Variants in COPA observed in about 807,000 individuals in gnomAD.
The protein encoded by COPA is coatomer subunit alpha.
Under a neutral mutation model 158.7 loss-of-function variants are expected in COPA, and 10 were observed. The ratio of observed to expected loss-of-function variants is 0.06; its 90% CI spans 0.04 to 0.11. The LOEUF is 0.11. COPA is among the 10% of genes least tolerant of loss of function. The pLI, the probability that COPA is intolerant of heterozygous loss-of-function variation, is 1.00. For synonymous variants in COPA, 462 were observed against 542.8 expected (o/e 0.85, Z 2.07); for missense variants, 1,065 against 1,536.7 (o/e 0.69, Z 5.13).
At chr1:160,314,869 C>G (rs1659083921) in intron 8 of COPA, among the ~76,000 whole-genome samples, 1 of 152,116 alleles carries the variant, frequency 6.6e-6, no homozygotes, top group African/African-American at 2.4e-5. Context: ...AAAGGAGGTA[C>G]TCAATAAATA....
intron 23 of COPA, among the ~76,000 whole-genome samples, chr1:160,295,145 A>G (rs997360768): frequency 1.2e-4 from 18 of 152,124 alleles, no homozygotes; most frequent in Admixed American, 6.5e-4. Flanking sequence ...CAACTCTTGA[A>G]TTTCTTCCTG....
At chr1:160,327,041 A>T (rs1456201558) in intron 6 of COPA, among the ~76,000 whole-genome samples, 1 of 152,214 alleles carries the variant, frequency 6.6e-6, no homozygotes, top group African/African-American at 2.4e-5. Flanking sequence ...ATGTTATGTA[A>T]CTGGACTCTG....
At chr1:160,322,362 T>C (rs1325196832) in intron 8 of COPA, among the ~76,000 whole-genome samples, 1 of 151,960 alleles carries the variant, frequency 6.6e-6, no homozygotes, top group African/African-American at 2.4e-5. Flanking sequence ...CAATAAAGTG[T>C]TGGGAAAACT....
chr1:160,338,156 T>C lies in COPA; in HGVS notation c.228+1753A>G, dbSNP rs150013264. Among the ~76,000 whole-genome samples the C allele has an allele frequency of 6.9e-3, 1,044 of 152,334 alleles. 8 individuals are homozygous for C. The highest frequency in any genetic ancestry group is 0.012 in the Non-Finnish European group (785 of 68,024). On this transcript the variant is annotated intron_variant, in intron 3 of 32. Transcript: ENST00000241704. ...ACCCAGTTTTTCCTTTTTAAACAGA[T>C]TATAAGAATCCCAAGTTAACCATTC... is the stretch of plus-strand genomic sequence containing the variant.
At chr1:160,302,915 G>A (rs997569148) in intron 17 of COPA, among the ~76,000 whole-genome samples, 2 of 152,108 alleles carry the variant, frequency 1.3e-5, no homozygotes, top group Admixed American at 1.3e-4. Flanking sequence ...GCTAATGCCT[G>A]CAATCCCAGC....
intron 4 of COPA, among the ~76,000 whole-genome samples, chr1:160,334,430 T>A (rs1359779100): frequency 6.6e-6 from 1 of 152,212 alleles, no homozygotes; most frequent in Non-Finnish European, 1.5e-5. Flanking sequence ...CAGGAAGTCC[T>A]TTATGGCAAT....
At chr1:160,295,278 C>T (rs1658362836) in intron 23 of COPA, among the ~76,000 whole-genome samples, 1 of 152,140 alleles carries the variant, frequency 6.6e-6, no homozygotes, top group African/African-American at 2.4e-5. Context: ...TAGGCTCTTA[C>T]TCACGGGAAA....
rs112756581 is a variant in COPA at position 160,320,036 on chromosome 1, C to G, written c.706+3395G>C. ...GTAGAAGAAAACAAACAATAAAGAT[C>G]AGAGCAGAAATAAAATTGAGACTAA... On this transcript the variant is annotated intron_variant, in intron 8 of 32. Coordinates refer to ENST00000241704, the MANE Select transcript of COPA (RefSeq NM_004371.4). Among the ~76,000 whole-genome samples the G allele has an allele frequency of 1.9e-4, 28 of 149,754 alleles. 2 individuals carry two copies. Among genetic ancestry groups the G allele is most frequent in the African/African-American group, 6.9e-4 (28 of 40,736 alleles).
chr1:160,343,006 C>G (rs1425301370), intron 1 of COPA, 125 bp downstream of exon 1: 2 of 1,161,306 alleles, frequency 1.7e-6, no homozygotes, highest in Non-Finnish European at 2.6e-6. Context: ...CTCCCACCCT[C>G]CGTCTTCCTC....
chr1:160,314,912 T>C (rs779599180), intron 8 of COPA, among the ~76,000 whole-genome samples: 8 of 152,110 alleles, frequency 5.3e-5, no homozygotes, highest in Non-Finnish European at 7.4e-5. Context: ...TCTATGTTCA[T>C]ACTCCTCAAA....
At chr1:160,316,757 A>T (rs1469454500) in intron 8 of COPA, among the ~76,000 whole-genome samples, 1 of 152,116 alleles carries the variant, frequency 6.6e-6, no homozygotes, top group East Asian at 1.9e-4. Flanking sequence ...TCTCAAAAAA[A>T]AAAAAAAAGA....
chr1:160,294,673 C>T (rs768560151), intron 24 of COPA, 80 bp from the exon 25 acceptor site: 400 of 1,593,050 alleles, frequency 2.5e-4, no homozygotes, highest in African/African-American at 1.6e-3. Context: ...AATCCTAGTT[C>T]GTTTCATGGC....
At chr1:160,298,630 T>G (rs541071927) in intron 19 of COPA, among the ~76,000 whole-genome samples, 1 of 152,184 alleles carries the variant, frequency 6.6e-6, no homozygotes, top group African/African-American at 2.4e-5. Flanking sequence ...CTAATTGAGG[T>G]TGACAAAAAT....
In COPA at chr1:160,288,742, T is replaced by A. The variant is rs556487674; in HGVS notation, c.*1415A>T. Among the ~76,000 whole-genome samples, 2 of 152,328 alleles carry A rather than the reference T, an allele frequency of 1.3e-5. No homozygotes were observed. The highest frequency in any genetic ancestry group is 3.9e-4 in the East Asian group (2 of 5,192). The stretch of plus-strand genomic sequence containing the variant: ...GCAAAATATTGTATTGTTAATGTAA[T>A]CATTGTATCATTGTAATATATATAA... On this transcript the variant is annotated 3_prime_UTR_variant, in exon 33 of 33. Transcript: ENST00000241704.
chr1:160,290,319 G>C (rs1424343750), intron 32 of COPA, 103 bp from the exon 33 acceptor site: 4 of 1,426,564 alleles, frequency 2.8e-6, no homozygotes, highest in African/African-American at 2.8e-5. Context: ...GACAGGTATT[G>C]GGGTGTTCAT....
In COPA at chr1:160,335,303, C is replaced by T. The variant is rs1414048052; in HGVS notation, c.248G>A (p.Arg83Gln). 3 of 1,610,816 alleles carry T rather than the reference C, an allele frequency of 1.9e-6. No individual in the cohort carries two copies. Among genetic ancestry groups the T allele is most frequent in the East Asian group, 2.2e-5 (1 of 44,736 alleles). ...CCCAAGCAATGTGAAAAGACAGCGC[C>T]GAAGCTTGTAATTCCAAACCTGCAA... ...YKIKVWNYKL[R>Q]RCLFTLLGHL... Residue 83 changes from arginine to glutamine, a missense_variant, in exon 4 of 33, where the codon CGG (arginine) becomes CAG (glutamine). By Grantham distance (43) the Arg-to-Gln change is conservative. Coordinates refer to ENST00000241704, the MANE Select transcript of COPA (RefSeq NM_004371.4).
At chr1:160,297,976 G>C (rs926217717) in intron 19 of COPA, among the ~76,000 whole-genome samples, 1 of 151,976 alleles carries the variant, frequency 6.6e-6, no homozygotes, top group Non-Finnish European at 1.5e-5. Context: ...TCAAGAGCTC[G>C]AGACCATCCT....
intron 26 of COPA, 31 bp from the exon 27 acceptor site, chr1:160,293,265 T>C (rs1195668757): frequency 6.2e-7 from 1 of 1,613,672 alleles, no homozygotes; most frequent in African/African-American, 1.3e-5. Context: ...CCAAGCCAAG[T>C]GAAACTTTGT....
intron 24 of COPA, 39 bp downstream of exon 24, chr1:160,294,729 G>A (rs762282001): frequency 5.0e-6 from 8 of 1,606,856 alleles, no homozygotes; most frequent in Non-Finnish European, 6.8e-6. Context: ...AATCCAAGGT[G>A]TCCATCACCC....
Sources: allele counts gnomAD v4.1 joint callset (sites outside exome capture counted in the v4.1 genomes callset), GRCh38; gene constraint gnomAD v4.1.1; transcripts MANE v1.5; gene names NCBI Gene and HGNC (gene_info 2026-07-23, HGNC 2026-07-21).